SOHLH2: variants seen among roughly 807,000 people sequenced by gnomAD.
The protein encoded by SOHLH2 is spermatogenesis- and oogenesis-specific basic helix-loop-helix-containing protein 2.
A neutral mutation model predicts 50.4 loss-of-function variants in SOHLH2; 22 were observed. The ratio of observed to expected loss-of-function variants is 0.44; its 90% CI spans 0.31 to 0.62. SOHLH2 has a LOEUF of 0.62. SOHLH2 is among the 20% of genes least tolerant of loss of function. SOHLH2 has a pLI of 0.08. For synonymous variants in SOHLH2, 185 were observed against 187.3 expected, an observed-to-expected ratio of 0.99 and a Z score of 0.10; for missense variants, 412 against 504.4, an observed-to-expected ratio of 0.82 and a Z score of 1.76.
chr13:36,211,667 T>C (rs1869132559), intron 1 of SOHLH2, among the ~76,000 whole-genome samples: 1 of 152,218 alleles, frequency 6.6e-6, no homozygotes, highest in Admixed American at 6.5e-5. Context: ...TATTTACCAG[T>C]GGCTTTGAAT....
chr13:36,189,826 T>G (rs1295827098), intron 6 of SOHLH2, 120 bp downstream of exon 6: 2 of 981,802 alleles, frequency 2.0e-6, no homozygotes, highest in African/African-American at 3.3e-5. Flanking sequence ...GTGGCATCTA[T>G]TTGTTTGCTA....
Position 36,174,883 on chromosome 13 carries a change from T to C in SOHLH2, c.642-14A>G. Reference sequence around the variant, plus strand: ...TTGATTCTTTCCCTGGACACAGAATTGCAATACATAAAGAATAATTAGTCT... The same window carrying C: ...TTGATTCTTTCCCTGGACACAGAATCGCAATACATAAAGAATAATTAGTCT... On this transcript the variant is annotated splice_polypyrimidine_tract_variant and intron_variant, in intron 6 of 10. Coordinates refer to ENST00000379881, the MANE Select transcript of SOHLH2 (RefSeq NM_017826.3). 1 of 1,557,434 alleles carries C rather than the reference T, an allele frequency of 6.4e-7. No individual in the cohort carries two copies. Among genetic ancestry groups the C allele is most frequent in the South Asian group, 1.2e-5 (1 of 80,026 alleles).
chr13:36,169,998 C>T (rs1036350437), intron 10 of SOHLH2, among the ~76,000 whole-genome samples: 13 of 152,194 alleles, frequency 8.5e-5, no homozygotes, highest in African/African-American at 3.1e-4. Flanking sequence ...CCTTTGTATA[C>T]CACATTCTTA....
Position 36,170,754 on chromosome 13 carries a change from C to G in SOHLH2, c.1034G>C (p.Gly345Ala), listed in dbSNP as rs201071207. The change falls in exon 10 of 11, where the codon GGT becomes GCT. Residue 345 changes from glycine to alanine, a missense_variant. Gly to Ala is a moderately conservative substitution (Grantham distance 60). Transcript: ENST00000379881. ...GGAAATGTGAGTTTTATATGGATCA[C>G]CAATAGCATTCTCTGAGGCGGAGCT... The part of the protein sequence containing the change: ...PSSSASENAI[G>A]DPYKTHISSA... 6.8e-6 allele frequency: 11 copies of G among 1,614,014 alleles called. No individual in the cohort carries two copies. In the Middle Eastern group the frequency reaches 4.9e-4, roughly 73 times the overall value.
chr13:36,173,655 C>T lies in SOHLH2; in HGVS notation c.1000+37G>A, dbSNP rs754481903. On this transcript the variant is annotated intron_variant, in intron 9 of 10. Coordinates refer to ENST00000379881, the MANE Select transcript of SOHLH2 (RefSeq NM_017826.3). ...TGGGGGTTTGCAGGGCAGGGCAGGT[C>T]CCCCTCTAAGTGGCACAGATGCTAG... 6 of 1,610,172 alleles carry T rather than the reference C, an allele frequency of 3.7e-6. No individual in the cohort carries two copies. In the African/African-American group the frequency reaches 6.7e-5, roughly 18 times the overall value.
chr13:36,194,187 TG>T (rs915712335), intron 2 of SOHLH2, among the ~76,000 whole-genome samples: 1 of 151,674 alleles, frequency 6.6e-6, no homozygotes, highest in Non-Finnish European at 1.5e-5. Flanking sequence ...GAATCTAGAA[TG>T]GGGGGAATTC....
chr13:36,170,943 C>A (rs768507909), intron 9 of SOHLH2, among the ~76,000 whole-genome samples, 156 bp from the exon 10 acceptor site: 10 of 152,144 alleles, frequency 6.6e-5, no homozygotes, highest in Non-Finnish European at 1.3e-4. Flanking sequence ...ACAAAGTGAA[C>A]TTTCTAATTG....
intron 6 of SOHLH2, among the ~76,000 whole-genome samples, chr13:36,186,921 G>C (rs1388242503): frequency 6.6e-6 from 1 of 152,120 alleles, no homozygotes; most frequent in Admixed American, 6.5e-5. Flanking sequence ...AAGCAGGTGA[G>C]TGGAAGAGGA....
chr13:36,194,525 A>G (rs1419106039), intron 2 of SOHLH2, among the ~76,000 whole-genome samples: 1 of 152,174 alleles, frequency 6.6e-6, no homozygotes, highest in Non-Finnish European at 1.5e-5. Flanking sequence ...GAGAAACATG[A>G]TGAGCCAGAT....
chr13:36,172,079 G>T (rs1886972876), intron 9 of SOHLH2, among the ~76,000 whole-genome samples: 1 of 152,084 alleles, frequency 6.6e-6, no homozygotes, highest in African/African-American at 2.4e-5. Context: ...AACCTTCAAG[G>T]CCTCCTAGGG....
intron 10 of SOHLH2, among the ~76,000 whole-genome samples, chr13:36,169,468 T>C (rs1052148194): frequency 6.6e-6 from 1 of 152,214 alleles, no homozygotes; most frequent in African/African-American, 2.4e-5. Context: ...TCCCATTTTA[T>C]AGATGTCATA....
In SOHLH2 at chr13:36,168,756, G is replaced by T; in HGVS notation, c.*278C>A. 1 of 429,714 alleles carries T rather than the reference G, an allele frequency of 2.3e-6. No homozygotes were observed. The highest frequency in any genetic ancestry group is 4.1e-6 in the Non-Finnish European group (1 of 244,756). The allele number at this position is 429,714 out of a possible 1,614,324, so 26.6% of individuals were successfully genotyped here. ...TTGTGGAATATTTTTTGAGAAAAGA[G>T]AGTGTAGGTCACTGAGGCCATTTGT... On this transcript the variant is annotated 3_prime_UTR_variant, in exon 11 of 11. Transcript: ENST00000379881.
Position 36,179,308 on chromosome 13 carries a change from T to C in SOHLH2, c.642-4439A>G, listed in dbSNP as rs1887182336. 2.6e-5 allele frequency among the ~76,000 whole-genome samples: 4 copies of C among 152,352 alleles called. No homozygotes were observed. In the South Asian group the frequency reaches 8.3e-4, roughly 32 times the overall value. On this transcript the variant is annotated intron_variant, in intron 6 of 10. Coordinates refer to ENST00000379881, the MANE Select transcript of SOHLH2 (RefSeq NM_017826.3). ...ACATCTATTTGCTGAAAGATATTTG[T>C]TTTTTAATGATAATGGTATATTGAG...
At chr13:36,209,216 A>C (rs1868962821) in intron 1 of SOHLH2, among the ~76,000 whole-genome samples, 2 of 152,072 alleles carry the variant, frequency 1.3e-5, no homozygotes, top group African/African-American at 4.8e-5. Flanking sequence ...ATATAATTTC[A>C]ATCCATTTAA....
At chr13:36,177,965 C>T (rs1479094220) in intron 6 of SOHLH2, among the ~76,000 whole-genome samples, 1 of 151,888 alleles carries the variant, frequency 6.6e-6, no homozygotes, top group African/African-American at 2.4e-5. Flanking sequence ...TTTCTATGTC[C>T]TGTCTAAAGA....
intron 9 of SOHLH2, among the ~76,000 whole-genome samples, chr13:36,172,008 C>T (rs1886971281): frequency 6.6e-6 from 1 of 152,100 alleles, no homozygotes; most frequent in South Asian, 2.1e-4. Context: ...AAAGGATCGG[C>T]ACTGGTTTTC....
chr13:36,179,414 T>C (rs562595257), intron 6 of SOHLH2, among the ~76,000 whole-genome samples: 4 of 152,208 alleles, frequency 2.6e-5, no homozygotes, highest in Admixed American at 6.5e-5. Flanking sequence ...TTTCATTGGT[T>C]TGCTTTGTTT....
chr13:36,196,011 G>C (rs918129272), intron 2 of SOHLH2, among the ~76,000 whole-genome samples: 17 of 151,924 alleles, frequency 1.1e-4, no homozygotes, highest in Non-Finnish European at 1.0e-4. Flanking sequence ...GACACAGAGG[G>C]AATAGGGGGA....
chr13:36,192,975 A>G (rs906372160), intron 4 of SOHLH2, among the ~76,000 whole-genome samples: 3 of 152,210 alleles, frequency 2.0e-5, no homozygotes, highest in African/African-American at 7.2e-5. Context: ...TTAGTATCCC[A>G]GGCCGAGAAA....
Sources: allele counts gnomAD v4.1 joint callset (sites outside exome capture counted in the v4.1 genomes callset), GRCh38; gene constraint gnomAD v4.1.1; transcripts MANE v1.5; gene names NCBI Gene and HGNC (gene_info 2026-07-23, HGNC 2026-07-21).